Variants in CEP164 observed in about 807,000 individuals in gnomAD.
CEP164 encodes the protein centrosomal protein 164.
CEP164 carries 162 observed loss-of-function variants against 182.7 expected under a neutral mutation model. The ratio of observed to expected loss-of-function variants is 0.89; its 90% CI spans 0.78 to 1.01. The LOEUF (loss-of-function observed/expected upper bound fraction) is 1.01. CEP164 is among the 50% of genes least tolerant of loss of function. The pLI is 0.00. For synonymous variants in CEP164, 661 were observed against 690.0 expected (o/e 0.96, Z 0.66); for missense variants, 1,735 against 1,790.4 (o/e 0.97, Z 0.56).
intron 4 of CEP164, among the ~76,000 whole-genome samples, chr11:117,345,690 A>G (rs2038786178): frequency 6.6e-6 from 1 of 150,512 alleles, no homozygotes; most frequent in South Asian, 2.1e-4. Flanking sequence ...TTGTTTCTTG[A>G]TCTTTTTTTT....
At chr11:117,381,673 ACT>A (rs1218787661) in intron 12 of CEP164, 26 bp from the exon 13 acceptor site, 3 of 1,593,742 alleles carry the variant, frequency 1.9e-6, no homozygotes, top group Non-Finnish European at 2.6e-6. Flanking sequence ...GAGGGGCCTG[ACT>A]CTGCTGCTCT....
At chr11:117,360,372 G>T (rs911839598) in intron 5 of CEP164, among the ~76,000 whole-genome samples, 6 of 152,076 alleles carry the variant, frequency 3.9e-5, no homozygotes, top group Admixed American at 1.3e-4. Flanking sequence ...GTCTCACTGT[G>T]TTGCCTAGGC....
chr11:117,392,018 C>G (rs1417998611), intron 17 of CEP164, among the ~76,000 whole-genome samples: 2 of 152,232 alleles, frequency 1.3e-5, no homozygotes, highest in Non-Finnish European at 2.9e-5. Flanking sequence ...AAATGCCCCT[C>G]TCCTCTGACC....
At chr11:117,357,956 A>G (rs191615052) in intron 5 of CEP164, among the ~76,000 whole-genome samples, 15 of 152,152 alleles carry the variant, frequency 9.9e-5, no homozygotes, top group African/African-American at 2.9e-4. Context: ...AAGAGTCACT[A>G]TATTCTTCAT....
At chr11:117,377,165 A>G (rs555424921) in intron 11 of CEP164, among the ~76,000 whole-genome samples, 1 of 139,130 alleles carries the variant, frequency 7.2e-6, no homozygotes, top group Non-Finnish European at 1.5e-5. Context: ...ATCAGGGACC[A>G]GTTTCTTGGA....
At chr11:117,364,436 T>G (rs985273707) in intron 8 of CEP164, among the ~76,000 whole-genome samples, 15 of 152,214 alleles carry the variant, frequency 9.9e-5, no homozygotes, top group African/African-American at 3.1e-4. Flanking sequence ...TTCTTGGAAA[T>G]CACTTTACCT....
intron 11 of CEP164, among the ~76,000 whole-genome samples, chr11:117,376,012 T>C (rs1229427736): frequency 2.6e-5 from 4 of 152,202 alleles, no homozygotes; most frequent in African/African-American, 9.7e-5. Context: ...TATTTATCCA[T>C]TTATCCACTC....
chr11:117,337,445 G>A lies in CEP164; in HGVS notation c.-21-1121G>A, dbSNP rs776398353. Among the ~76,000 whole-genome samples, 3 of 149,354 alleles carry A rather than the reference G, an allele frequency of 2.0e-5. No homozygotes were observed. In the Admixed American group the frequency reaches 2.1e-4, roughly 10 times the overall value. On this transcript the variant is annotated intron_variant, in intron 2 of 32. Coordinates refer to ENST00000278935, the MANE Select transcript of CEP164 (RefSeq NM_014956.5). The stretch of plus-strand genomic sequence containing the variant: ...TTTTCTTACTTTGAGAGGCTGAGGC[G>A]GGAGCATTGCTTGCACCCAGGAGTT...
Position 117,381,747 on chromosome 11 carries a change from C to A in CEP164, c.1456C>A (p.Arg486Ser). The A allele has an allele frequency of 6.2e-7, 1 of 1,609,342 alleles. No individual in the cohort carries two copies. ...PHEERAQSPP[R>S]SLATEEEPPQ... ...CGAGGAGCGGGCCCAGAGTCCCCCT[C>A]GCAGCCTGGCCACTGAAGAAGAGCC... The change falls in exon 13 of 33, where the codon CGC becomes AGC. Residue 486 changes from arginine to serine, a missense_variant. Transcript: ENST00000278935.
chr11:117,360,006 G>A (rs1027768929), intron 5 of CEP164, among the ~76,000 whole-genome samples: 2 of 152,200 alleles, frequency 1.3e-5, no homozygotes, highest in Non-Finnish European at 2.9e-5. Flanking sequence ...AAGGAGAACA[G>A]GGAAAAGAAG....
chr11:117,384,289 T>C (rs1262921277), intron 14 of CEP164, among the ~76,000 whole-genome samples: 2 of 152,184 alleles, frequency 1.3e-5, no homozygotes. Context: ...CAGGATCTCA[T>C]GTTGTCACCA....
At chr11:117,377,512 G>A (rs2042879641) in intron 11 of CEP164, among the ~76,000 whole-genome samples, 1 of 152,204 alleles carries the variant, frequency 6.6e-6, no homozygotes, top group Admixed American at 6.5e-5. Context: ...ATCTCTGGGG[G>A]TGGAGGGGTC....
chr11:117,359,685 A>G, intron 5 of CEP164: 3 of 783,092 alleles, frequency 3.8e-6, no homozygotes, highest in Non-Finnish European at 4.6e-6. Flanking sequence ...AAGTTTGAGA[A>G]ATGAATTTTG....
rs1401409329 is a variant in CEP164, at chr11:117,335,219, T to C, written c.-97-386T>C. Among the ~76,000 whole-genome samples, 4 of 152,324 alleles carry C rather than the reference T, an allele frequency of 2.6e-5. No individual in the cohort carries two copies. The East Asian group carries it at 7.7e-4, about 29-fold the overall frequency. On this transcript the variant is annotated intron_variant, in intron 1 of 32. Coordinates refer to ENST00000278935, the MANE Select transcript of CEP164 (RefSeq NM_014956.5). ...GTGTGTGTAGCACAGTGGGGCATCA[T>C]GTCTGCAGGATGTTACGGGTTCTTC...
intron 27 of CEP164, among the ~76,000 whole-genome samples, chr11:117,398,532 G>A (rs2045765341): frequency 6.6e-6 from 1 of 152,172 alleles, no homozygotes; most frequent in Admixed American, 6.5e-5. Flanking sequence ...TCTCCATGAG[G>A]GCCCCACCCC....
chr11:117,377,048 G>A lies in CEP164; in HGVS notation c.1317+1257G>A, dbSNP rs76023439. ...TTTGGGCTATGCCACTTGCTGTAAC[G>A]CAGTAGCAGGACCTGACTTGGTTTT... On this transcript the variant is annotated intron_variant, in intron 11 of 32. Coordinates refer to ENST00000278935, the MANE Select transcript of CEP164 (RefSeq NM_014956.5). Among the ~76,000 whole-genome samples, 316 of 152,246 alleles carry A rather than the reference G, an allele frequency of 2.1e-3. 1 individual carries two copies. Among genetic ancestry groups the A allele is most frequent in the African/African-American group, 7.2e-3 (299 of 41,532 alleles).
Position 117,394,887 on chromosome 11 carries a change from T to G in CEP164, c.2761-33T>G. 1 of 1,608,306 alleles carries G rather than the reference T, an allele frequency of 6.2e-7. No individual in the cohort carries two copies. Among genetic ancestry groups the G allele is most frequent in the Non-Finnish European group, 8.5e-7 (1 of 1,175,164 alleles). ...GCCCCTCAGCTAATGCCTTACACTC[T>G]TTCTATGCTTATGTGTTTCCCTTTC... On this transcript the variant is annotated intron_variant, in intron 21 of 32. Transcript: ENST00000278935. The surrounding 1 kb of genome is among the most constrained non-coding windows in gnomAD (Gnocchi z 4.0).
In CEP164 at chr11:117,387,424, C is replaced by T. The variant is rs952168733; in HGVS notation, c.1934+12C>T. On this transcript the variant is annotated intron_variant, in intron 15 of 32. Coordinates refer to ENST00000278935, the MANE Select transcript of CEP164 (RefSeq NM_014956.5). Reference sequence around the variant, plus strand: ...GAGCAATCTCTCAGGTCCTGCCCTTCCCCTTAGGCATGCTTCCTGGGGCCT... The same window carrying T: ...GAGCAATCTCTCAGGTCCTGCCCTTTCCCTTAGGCATGCTTCCTGGGGCCT... 1 of 1,613,246 alleles carries T rather than the reference C, an allele frequency of 6.2e-7. No homozygotes were observed. Among genetic ancestry groups the T allele is most frequent in the African/African-American group, 1.3e-5 (1 of 74,914 alleles).
intron 27 of CEP164, 117 bp downstream of exon 27, chr11:117,397,430 C>T (rs556633812): frequency 1.1e-6 from 1 of 906,996 alleles, no homozygotes; most frequent in African/African-American, 1.7e-5. Context: ...TGAGAGTGGC[C>T]ACCTTGGCCC....
Sources: gnomAD v4.1 joint callset for allele counts (sites outside exome capture counted in the v4.1 genomes callset) on GRCh38, gnomAD v4.1.1 for gene constraint, Gnocchi (gnomAD v3.1) non-coding constraint, MANE v1.5 for transcripts, NCBI Gene and HGNC (gene_info 2026-07-23, HGNC 2026-07-21) for gene names.